NRG3: variants seen among roughly 807,000 people sequenced by gnomAD.
The protein encoded by NRG3 is neuregulin 3.
Under a neutral mutation model 66.9 loss-of-function variants are expected in NRG3, and 31 were observed. The ratio of observed to expected loss-of-function variants is 0.46; its 90% CI spans 0.35 to 0.63. The LOEUF (loss-of-function observed/expected upper bound fraction) is 0.63. Among genes scored for constraint, NRG3 ranks in the 20% least tolerant of loss-of-function variants. The probability of loss-of-function intolerance (pLI) is 0.00; values close to 1 mark genes in which losing one functional copy is unlikely to be tolerated. For synonymous variants in NRG3, 393 were observed against 359.4 expected (o/e 1.09, Z -1.06); for missense variants, 910 against 878.9 (o/e 1.04, Z -0.45).
chr10:82,692,328 A>T lies in NRG3; in HGVS notation c.954-46249A>T, dbSNP rs111519337. Among the ~76,000 whole-genome samples, 783 of 152,054 alleles carry T rather than the reference A, an allele frequency of 5.1e-3. 5 individuals are homozygous for T. The highest frequency in any genetic ancestry group is 0.018 in the African/African-American group (743 of 41,508). On this transcript the variant is annotated intron_variant, in intron 2 of 8. Transcript: ENST00000372141. The stretch of plus-strand genomic sequence containing the variant: ...TATAGAGAATGTATGCAATTTGTTG[A>T]CTCTTTTTTGGTAAAAAGAACTAGT...
intron 2 of NRG3, among the ~76,000 whole-genome samples, chr10:82,368,297 T>C (rs1427021008): frequency 7.2e-6 from 1 of 138,396 alleles, no homozygotes; most frequent in Admixed American, 6.8e-5. Flanking sequence ...ACAGTGAGTC[T>C]TGTGCAGAGA....
chr10:81,940,215 T>C (rs1848287329), intron 1 of NRG3, among the ~76,000 whole-genome samples: 1 of 152,158 alleles, frequency 6.6e-6, no homozygotes, highest in Non-Finnish European at 1.5e-5. Flanking sequence ...GTGTTTTGCA[T>C]ATGCTTGAGA....
chr10:82,227,378 C>A (rs1294339709), intron 1 of NRG3, among the ~76,000 whole-genome samples: 1 of 152,110 alleles, frequency 6.6e-6, no homozygotes, highest in Non-Finnish European at 1.5e-5. Flanking sequence ...TTGCATTTGA[C>A]AACTGGCTCA....
chr10:82,786,730 A>G (rs1384197464), intron 3 of NRG3, among the ~76,000 whole-genome samples: 1 of 152,190 alleles, frequency 6.6e-6, no homozygotes, highest in African/African-American at 2.4e-5. Context: ...TATTGTTTGA[A>G]TGTGTCACTA....
chr10:82,156,722 G>T (rs935693406), intron 1 of NRG3, among the ~76,000 whole-genome samples: 1 of 151,628 alleles, frequency 6.6e-6, no homozygotes, highest in African/African-American at 2.4e-5. Context: ...GATCCATGGA[G>T]TTTAAGATAA....
chr10:82,952,738 T>C (rs928767614), intron 5 of NRG3, among the ~76,000 whole-genome samples: 2 of 151,832 alleles, frequency 1.3e-5, no homozygotes, highest in Admixed American at 6.5e-5. Context: ...TAACATGGGA[T>C]TAATTTCCAG....
rs2073504102 is a variant in NRG3, at chr10:82,182,596, A to G, written c.824-176143A>G. 1.3e-5 allele frequency among the ~76,000 whole-genome samples: 2 copies of G among 151,866 alleles called. 1 individual carries two copies. The highest frequency in any genetic ancestry group is 4.1e-4 in the South Asian group (2 of 4,832). On this transcript the variant is annotated intron_variant, in intron 1 of 8. Coordinates refer to ENST00000372141, the MANE Select transcript of NRG3 (RefSeq NM_001010848.4). ...TTTTATGTTGTGTATCAAATAGTATATTTTTATAGTTATTGCTATTTTTAT... is the reference window on the plus strand; with the variant it reads ...TTTTATGTTGTGTATCAAATAGTATGTTTTTATAGTTATTGCTATTTTTAT...
intron 2 of NRG3, among the ~76,000 whole-genome samples, chr10:82,732,699 A>G (rs1475324216): frequency 6.6e-6 from 1 of 152,206 alleles, no homozygotes; most frequent in Non-Finnish European, 1.5e-5. Context: ...TAATAAATCC[A>G]GGGGGTGGCT....
intron 2 of NRG3, among the ~76,000 whole-genome samples, chr10:82,419,248 C>T (rs1256009324): frequency 1.3e-5 from 2 of 151,946 alleles, no homozygotes; most frequent in Admixed American, 1.3e-4. Context: ...TATACTTTTC[C>T]TAATTTAAGG....
rs555028668 is a variant in NRG3 at position 82,363,583 on chromosome 10, G to A, written c.953+4715G>A. Reference sequence around the variant, plus strand: ...CCATTCTCCTGCCTCAGCCTCCCTGGTAGCTGGGACTACAGGCACCTGCCA... The same window carrying A: ...CCATTCTCCTGCCTCAGCCTCCCTGATAGCTGGGACTACAGGCACCTGCCA... On this transcript the variant is annotated intron_variant, in intron 2 of 8. Coordinates refer to ENST00000372141, the MANE Select transcript of NRG3 (RefSeq NM_001010848.4). 9.2e-5 allele frequency among the ~76,000 whole-genome samples: 14 copies of A among 152,222 alleles called. No homozygotes were observed. In the South Asian group the frequency reaches 2.9e-3, roughly 32 times the overall value.
intron 2 of NRG3, among the ~76,000 whole-genome samples, chr10:82,678,702 C>G (rs937618942): frequency 1.6e-4 from 25 of 152,130 alleles, no homozygotes; most frequent in Non-Finnish European, 4.4e-5. Flanking sequence ...CTGCTTTCCT[C>G]ACGCCTGCCT....
chr10:82,784,749 T>A (rs1281058889), intron 3 of NRG3, among the ~76,000 whole-genome samples: 1 of 152,108 alleles, frequency 6.6e-6, no homozygotes, highest in Non-Finnish European at 1.5e-5. Flanking sequence ...ACTTTTACAC[T>A]GTTGGTGGGA....
intron 3 of NRG3, among the ~76,000 whole-genome samples, chr10:82,831,768 C>T (rs994245831): frequency 4.6e-5 from 7 of 152,076 alleles, no homozygotes; most frequent in East Asian, 1.9e-4. Context: ...GAGCTGAGAT[C>T]GTGCCATTGC....
chr10:82,942,022 T>TGTGTGTGTGTGTGC (rs1262777882), intron 4 of NRG3, among the ~76,000 whole-genome samples: 76 of 152,052 alleles, frequency 5.0e-4, no homozygotes, highest in African/African-American at 1.5e-3. Flanking sequence ...TGTGTGTGTG[T>TGTGTGTGTGTGTGC]GTGCTTCAAC....
chr10:82,030,441 A>G (rs2062512086), intron 1 of NRG3, among the ~76,000 whole-genome samples: 1 of 152,096 alleles, frequency 6.6e-6, no homozygotes, highest in African/African-American at 2.4e-5. Context: ...TTTTATGTTT[A>G]TCTTCAAGTG....
intron 4 of NRG3, among the ~76,000 whole-genome samples, chr10:82,917,966 G>GTATATATA (rs1216370656): frequency 0.012 from 1,093 of 90,458 alleles, 6 homozygotes; most frequent in African/African-American, 0.019. Flanking sequence ...GTGTGTGTGT[G>GTATATATA]TGTGTATATA....
At chr10:82,116,286 A>G (rs536801592) in intron 1 of NRG3, among the ~76,000 whole-genome samples, 2 of 152,286 alleles carry the variant, frequency 1.3e-5, no homozygotes, top group South Asian at 2.1e-4. Context: ...AAAGGAGGGA[A>G]GGAGGGCATC....
intron 3 of NRG3, among the ~76,000 whole-genome samples, chr10:82,747,367 T>C (rs1565271709): frequency 6.6e-6 from 1 of 152,102 alleles, no homozygotes; most frequent in African/African-American, 2.4e-5. Flanking sequence ...TCTCTGTACC[T>C]TGATGTCCAA....
intron 2 of NRG3, among the ~76,000 whole-genome samples, chr10:82,522,962 A>C (rs908351575): frequency 6.6e-6 from 1 of 152,132 alleles, no homozygotes; most frequent in East Asian, 1.9e-4. Flanking sequence ...TAAAACACAA[A>C]TGTACTTTCT....
Sources: allele counts gnomAD v4.1 joint callset (sites outside exome capture counted in the v4.1 genomes callset), GRCh38; gene constraint gnomAD v4.1.1; transcripts MANE v1.5; gene names NCBI Gene and HGNC (gene_info 2026-07-23, HGNC 2026-07-21).